The following MED27 variants were observed in gnomAD, a reference collection of about 807,000 sequenced individuals.
MED27 encodes mediator complex subunit 27.
In MED27, 30 loss-of-function variants were observed where a neutral mutation model predicts 38.2. The observed-to-expected ratio is 0.79, with a 90% CI of 0.59 to 1.07. The LOEUF is 1.07. Among genes scored for constraint, MED27 ranks in the 50% least tolerant of loss-of-function variants. The pLI is 0.00. For synonymous variants in MED27, 122 were observed against 153.5 expected, an observed-to-expected ratio of 0.79 and a Z score of 1.52; for missense variants, 289 against 397.5, an observed-to-expected ratio of 0.73 and a Z score of 2.32.
intron 3 of MED27, among the ~76,000 whole-genome samples, chr9:131,973,419 T>C (rs928486891): frequency 2.0e-5 from 3 of 151,882 alleles, no homozygotes; most frequent in African/African-American, 7.3e-5. Context: ...GCAGGGCTTC[T>C]GGAAGAGGCT....
chr9:132,005,973 T>G (rs1054548545), intron 3 of MED27, among the ~76,000 whole-genome samples: 6 of 152,172 alleles, frequency 3.9e-5, no homozygotes, highest in Non-Finnish European at 8.8e-5. Flanking sequence ...TTTAATTATA[T>G]TCTCAATTTC....
rs936763813 is a variant in MED27 at position 131,861,003 on chromosome 9, C to G, written c.802-331G>C. On this transcript the variant is annotated intron_variant, in intron 7 of 7. Transcript: ENST00000292035. This position sits in a 1 kb window ranked among gnomAD's most constrained non-coding sequence, Gnocchi z 4.4. ...GCACCCCACTTTCACTTTCTGGGTC[C>G]CATGTCTTCTGAATGTCAGTATCCA... is the stretch of plus-strand genomic sequence containing the variant. 6.6e-6 allele frequency among the ~76,000 whole-genome samples: 1 copy of G among 152,096 alleles called. No individual in the cohort carries two copies. Among genetic ancestry groups the G allele is most frequent in the Admixed American group, 6.5e-5 (1 of 15,278 alleles).
chr9:131,965,522 C>T (rs889704194), intron 3 of MED27, among the ~76,000 whole-genome samples: 2 of 152,114 alleles, frequency 1.3e-5, no homozygotes, highest in Non-Finnish European at 2.9e-5. Context: ...GTTGAAAAGC[C>T]ACTAAAGACT....
At chr9:131,914,611 C>A (rs1830254023) in intron 4 of MED27, among the ~76,000 whole-genome samples, 1 of 152,164 alleles carries the variant, frequency 6.6e-6, no homozygotes, top group African/African-American at 2.4e-5. Flanking sequence ...AAACAAGAAA[C>A]AAATAACATG....
At chr9:131,908,144 G>A (rs1355230069) in intron 4 of MED27, among the ~76,000 whole-genome samples, 2 of 40,642 alleles carry the variant, frequency 4.9e-5, no homozygotes, top group African/African-American at 1.0e-4. Context: ...TCAGCCCCCC[G>A]CTCGGCCAGC....
intron 3 of MED27, among the ~76,000 whole-genome samples, chr9:131,967,691 G>A (rs557677321): frequency 2.0e-5 from 3 of 148,880 alleles, no homozygotes; most frequent in Middle Eastern, 3.6e-3. Context: ...TAGTAGAGAC[G>A]AGGTTTCTTC....
rs1838636484 is a variant in MED27 at position 131,860,624 on chromosome 9, A to G, written c.850T>C (p.Cys284Arg). 3 of 1,612,172 alleles carry G rather than the reference A, an allele frequency of 1.9e-6. No homozygotes were observed. The highest frequency in any genetic ancestry group is 1.7e-5 in the Admixed American group (1 of 59,706). The change falls in exon 8 of 8, where the codon TGC (cysteine) becomes CGC (arginine). Residue 284 changes from cysteine to arginine, a missense_variant. Physicochemically the swap from Cys to Arg is radical, Grantham distance 180. Coordinates refer to ENST00000292035, the MANE Select transcript of MED27 (RefSeq NM_004269.4). This position sits in a 1 kb window ranked among gnomAD's most constrained non-coding sequence, Gnocchi z 5.8. Reference sequence around the variant, plus strand: ...AGGCCGTCCTGCAGAAACTTCCCGCAGCGCTGGCACGGGGCCTGGAACAGC... The same window carrying G: ...AGGCCGTCCTGCAGAAACTTCCCGCGGCGCTGGCACGGGGCCTGGAACAGC... ...IKLFQAPCQR[C>R]GKFLQDGLPP...
At chr9:131,937,185 C>T (rs1252234192) in intron 4 of MED27, among the ~76,000 whole-genome samples, 1 of 152,108 alleles carries the variant, frequency 6.6e-6, no homozygotes, top group African/African-American at 2.4e-5. Context: ...TAGAGATTTG[C>T]CATCTCATAA....
At chr9:131,991,478 T>C (rs1564315107) in intron 3 of MED27, among the ~76,000 whole-genome samples, 1 of 152,216 alleles carries the variant, frequency 6.6e-6, no homozygotes, top group Non-Finnish European at 1.5e-5. Flanking sequence ...TCAATCACTG[T>C]AACAGGCAAA....
chr9:132,044,058 GT>G (rs1310643138), intron 2 of MED27, among the ~76,000 whole-genome samples: 1 of 152,138 alleles, frequency 6.6e-6, no homozygotes. Flanking sequence ...AATTTGAGAT[GT>G]TTTTTAAAGT....
At chr9:132,077,192 C>G (rs901145069) in intron 2 of MED27, among the ~76,000 whole-genome samples, 3 of 152,178 alleles carry the variant, frequency 2.0e-5, no homozygotes, top group African/African-American at 7.2e-5. Flanking sequence ...CTCCCTATAC[C>G]CAGTCTCCAG....
At chr9:132,068,125 TGAC>T (rs1173864383) in intron 2 of MED27, among the ~76,000 whole-genome samples, 2 of 152,206 alleles carry the variant, frequency 1.3e-5, no homozygotes, top group African/African-American at 4.8e-5. Flanking sequence ...TGCTAGACCA[TGAC>T]GACAACAACG....
At position 131,913,709 on chromosome 9, in the gene MED27, C is replaced by A. The variant is rs10901112; in HGVS notation, c.574-19717G>T. On this transcript the variant is annotated intron_variant, in intron 4 of 7. Transcript: ENST00000292035. The surrounding 1 kb of genome is among the most constrained non-coding windows in gnomAD (Gnocchi z 4.5). Reference sequence around the variant, plus strand: ...ATGGCTAGGTGGCAGTAGGTTTCTCCAGGTGTGGACCCCAGCCCAACTCCA... The same window carrying A: ...ATGGCTAGGTGGCAGTAGGTTTCTCAAGGTGTGGACCCCAGCCCAACTCCA... Among the ~76,000 whole-genome samples, 55,406 of 151,882 alleles carry A rather than the reference C, an allele frequency of 0.36. 10,357 individuals carry two copies. The highest frequency in any genetic ancestry group is 0.45 in the African/African-American group (18,429 of 41,382).
intron 4 of MED27, among the ~76,000 whole-genome samples, chr9:131,928,074 GAAC>G (rs548923380): frequency 4.9e-4 from 75 of 152,304 alleles, no homozygotes; most frequent in African/African-American, 1.6e-3. Flanking sequence ...ATGAGATTTA[GAAC>G]AACAACAAAA....
At chr9:131,866,370 C>T (rs1211121067) in intron 6 of MED27, among the ~76,000 whole-genome samples, 1 of 152,276 alleles carries the variant, frequency 6.6e-6, no homozygotes, top group Admixed American at 6.5e-5. Context: ...AGTGGTCTTC[C>T]AGACCTGCAC....
At chr9:131,983,128 C>T (rs566739570) in intron 3 of MED27, among the ~76,000 whole-genome samples, 1 of 152,288 alleles carries the variant, frequency 6.6e-6, no homozygotes, top group East Asian at 1.9e-4. Context: ...ATAATACTAG[C>T]CACTTTCTAT....
intron 6 of MED27, among the ~76,000 whole-genome samples, chr9:131,880,956 T>C (rs765818654): frequency 3.3e-5 from 5 of 150,792 alleles, no homozygotes; most frequent in Admixed American, 6.6e-5. Flanking sequence ...CCCTCCCTCA[T>C]CAAGGGTATT....
intron 2 of MED27, among the ~76,000 whole-genome samples, chr9:132,074,675 C>T (rs979371805): frequency 3.9e-5 from 6 of 152,192 alleles, no homozygotes; most frequent in Non-Finnish European, 7.3e-5. Context: ...AGAGTACTGG[C>T]TTATTTCTTG....
chr9:132,031,617 C>A (rs1397440226), intron 2 of MED27, among the ~76,000 whole-genome samples: 1 of 152,076 alleles, frequency 6.6e-6, no homozygotes, highest in Non-Finnish European at 1.5e-5. Context: ...TCCAGCCTGA[C>A]CCCTCCTCTA....
Sources: allele counts gnomAD v4.1 joint callset (sites outside exome capture counted in the v4.1 genomes callset), GRCh38; gene constraint gnomAD v4.1.1; non-coding constraint Gnocchi (gnomAD v3.1); transcripts MANE v1.5; gene names NCBI Gene and HGNC (gene_info 2026-07-23, HGNC 2026-07-21).